Variants in DDX42 observed in about 807,000 individuals in gnomAD.
The protein encoded by DDX42 is ATP-dependent RNA helicase DDX42.
DDX42 carries 22 observed loss-of-function variants against 101.5 expected under a neutral mutation model. That is an observed-to-expected ratio of 0.22 (90% CI 0.15 to 0.31). DDX42 has a LOEUF of 0.31. Ranked by LOEUF, DDX42 falls within the 10% of genes least tolerant of loss-of-function variation. DDX42 has a pLI of 1.00. For synonymous variants in DDX42, 402 were observed against 401.2 expected (o/e 1.00, Z -0.02); for missense variants, 849 against 1,199.9 (o/e 0.71, Z 4.32).
intron 1 of DDX42, among the ~76,000 whole-genome samples, chr17:63,778,495 T>C (rs2039447682): frequency 6.6e-6 from 1 of 152,212 alleles, no homozygotes; most frequent in Non-Finnish European, 1.5e-5. Flanking sequence ...TTCTTTCTCC[T>C]GGGCCAGACT....
At chr17:63,814,675 CTTTTTTT>C (rs58211962) in intron 15 of DDX42, among the ~76,000 whole-genome samples, 41 of 90,456 alleles carry the variant, frequency 4.5e-4, no homozygotes, top group African/African-American at 8.8e-4. Context: ...GAGACATTTG[CTTTTTTT>C]TTTTTTTTTT....
intron 1 of DDX42, among the ~76,000 whole-genome samples, chr17:63,783,111 C>G (rs1410891515): frequency 1.3e-5 from 2 of 152,164 alleles, no homozygotes; most frequent in African/African-American, 4.8e-5. Flanking sequence ...TGCCTTTGCT[C>G]CCACTCATGG....
chr17:63,818,522 G>A lies in DDX42; in HGVS notation c.*124G>A. The stretch of plus-strand genomic sequence containing the variant: ...ACCCCCTGCCCTTAGTGGAGAGCTG[G>A]AGCTTGGAGACATTACCCCTTCATC... On this transcript the variant is annotated 3_prime_UTR_variant, in exon 18 of 18. Coordinates refer to ENST00000389924, the MANE Select transcript of DDX42 (RefSeq NM_203499.3). The A allele has an allele frequency of 1.2e-6, 1 of 850,682 alleles. No homozygotes were observed. The highest frequency in any genetic ancestry group is 1.8e-6 in the Non-Finnish European group (1 of 567,044). 52.7% of individuals were successfully genotyped at this position (850,682 alleles called of 1,614,324 possible).
intron 2 of DDX42, among the ~76,000 whole-genome samples, chr17:63,788,974 A>G (rs544368626): frequency 2.0e-5 from 3 of 152,156 alleles, no homozygotes; most frequent in African/African-American, 7.2e-5. Flanking sequence ...GGCTCACTGC[A>G]GTCTCGACCT....
chr17:63,814,087 G>A (rs940851718), intron 15 of DDX42, among the ~76,000 whole-genome samples: 1 of 152,062 alleles, frequency 6.6e-6, no homozygotes, highest in Non-Finnish European at 1.5e-5. Flanking sequence ...TGATCCGCCC[G>A]CCTCGGCCTC....
intron 1 of DDX42, among the ~76,000 whole-genome samples, chr17:63,774,946 A>T (rs2039400239): frequency 6.6e-6 from 1 of 152,230 alleles, no homozygotes; most frequent in African/African-American, 2.4e-5. Flanking sequence ...CATCAAAAAC[A>T]GGAGAAGCTG....
chr17:63,808,816 G>A lies in DDX42; in HGVS notation c.1024-4G>A. 1.2e-6 allele frequency: 2 copies of A among 1,613,658 alleles called. No individual in the cohort carries two copies. The highest frequency in any genetic ancestry group is 2.2e-5 in the East Asian group (1 of 44,856). Reference sequence around the variant, plus strand: ...TTGTTAATATATTATTCACAACTTTGTAGATCCATGCAGAATGTAAGCGGT... The same window carrying A: ...TTGTTAATATATTATTCACAACTTTATAGATCCATGCAGAATGTAAGCGGT... On this transcript the variant is annotated splice_region_variant and splice_polypyrimidine_tract_variant and intron_variant, in intron 9 of 17. Transcript: ENST00000389924.
chr17:63,785,538 G>C lies in DDX42; in HGVS notation c.-16-1496G>C, dbSNP rs563164341. On this transcript the variant is annotated intron_variant, in intron 1 of 17. Coordinates refer to ENST00000389924, the MANE Select transcript of DDX42 (RefSeq NM_203499.3). ...GCACTTAGGGAGGCAGATGTGAGAGGGGGGGGTCTCTTGAGGCTAGAAGTT... is the reference window on the plus strand; with the variant it reads ...GCACTTAGGGAGGCAGATGTGAGAGCGGGGGGTCTCTTGAGGCTAGAAGTT... 2.4e-4 allele frequency among the ~76,000 whole-genome samples: 4 copies of C among 16,792 alleles called. No homozygotes were observed. The South Asian group carries it at 9.0e-3, about 38-fold the overall frequency. The allele number at this position is 16,792 out of a possible 152,430, so 11.0% of individuals were successfully genotyped here.
At chr17:63,773,811 G>C (rs556359507), upstream of DDX42, 2 of 152,880 alleles carry the variant, frequency 1.3e-5, no homozygotes, top group East Asian at 1.9e-4. Flanking sequence ...CACGGAACCG[G>C]TGCTCCGGAA....
chr17:63,774,128 C>T (rs968306553), upstream of DDX42: 2 of 249,562 alleles, frequency 8.0e-6, no homozygotes, highest in African/African-American at 2.4e-5. Flanking sequence ...CCCGGCCCCG[C>T]CCTTCTGCCC....
chr17:63,784,768 T>C (rs1191664302), intron 1 of DDX42, among the ~76,000 whole-genome samples: 1 of 143,362 alleles, frequency 7.0e-6, no homozygotes, highest in African/African-American at 2.5e-5. Flanking sequence ...CAAGAACTTG[T>C]CTTAAAAAAA....
intron 4 of DDX42, among the ~76,000 whole-genome samples, chr17:63,799,218 A>G (rs1371528281): frequency 6.6e-6 from 1 of 152,204 alleles, no homozygotes; most frequent in African/African-American, 2.4e-5. Flanking sequence ...TGCCAAATAC[A>G]AGATTTTTTT....
rs1301209496 is a variant in DDX42 at position 63,818,460 on chromosome 17, G to A, written c.*62G>A. The A allele has an allele frequency of 2.7e-6, 4 of 1,497,388 alleles. No individual in the cohort carries two copies. In the African/African-American group the frequency reaches 5.6e-5, roughly 21 times the overall value. 92.8% of individuals were successfully genotyped at this position (1,497,388 alleles called of 1,614,324 possible). On this transcript the variant is annotated 3_prime_UTR_variant, in exon 18 of 18. Coordinates refer to ENST00000389924, the MANE Select transcript of DDX42 (RefSeq NM_203499.3). ...ATTTTTAGAAAGATTTTGGTAACTA[G>A]GTGTCTCAGGGCTGGGTTGGGGTCC...
At chr17:63,799,455 C>T (rs759207870) in intron 4 of DDX42, 134 bp from the exon 5 acceptor site, 8 of 859,058 alleles carry the variant, frequency 9.3e-6, no homozygotes, top group Non-Finnish European at 1.5e-5. Flanking sequence ...TTATAGTGTG[C>T]TCATTGCTGC....
At chr17:63,811,324 G>A (rs1051423275) in intron 13 of DDX42, 151 bp downstream of exon 13, 11 of 581,108 alleles carry the variant, frequency 1.9e-5, no homozygotes, top group African/African-American at 1.3e-4. Flanking sequence ...CAAGTTGTGG[G>A]GATAGACGTA....
At chr17:63,816,120 G>A (rs1186197994) in intron 16 of DDX42, 1 of 152,396 alleles carries the variant, frequency 6.6e-6, no homozygotes, top group Admixed American at 6.5e-5. Context: ...CTCAGGAACG[G>A]ATCAGGAATT....
chr17:63,809,697 C>T, intron 11 of DDX42, 38 bp downstream of exon 11: 1 of 1,527,194 alleles, frequency 6.5e-7, no homozygotes. Flanking sequence ...TCCCCATCCT[C>T]ATGATACTAG....
chr17:63,774,025 T>C (rs558332259), upstream of DDX42: 349 of 216,150 alleles, frequency 1.6e-3, 2 homozygotes, highest in Non-Finnish European at 2.6e-3. Flanking sequence ...TCATGAACAC[T>C]GTCCACCCAA....
At chr17:63,776,042 T>A (rs2039416917) in intron 1 of DDX42, 1 of 152,220 alleles carries the variant, frequency 6.6e-6, no homozygotes, top group Non-Finnish European at 1.5e-5. Flanking sequence ...AGAACTGACC[T>A]GTATATAGTG....
Sources: allele counts gnomAD v4.1 joint callset (sites outside exome capture counted in the v4.1 genomes callset), GRCh38; gene constraint gnomAD v4.1.1; transcripts MANE v1.5; gene names NCBI Gene and HGNC (gene_info 2026-07-23, HGNC 2026-07-21).